RBM44: variants seen among roughly 807,000 people sequenced by gnomAD.
RBM44 encodes the protein RNA binding motif protein 44, also known as RNA-binding protein 44.
RBM44 carries 66 observed loss-of-function variants against 105.1 expected under a neutral mutation model. That is an observed-to-expected ratio of 0.63 (90% CI 0.52 to 0.77). The LOEUF is 0.77. RBM44 is among the 30% of genes least tolerant of loss of function. The probability of loss-of-function intolerance (pLI) is 0.00; values close to 1 mark genes in which losing one functional copy is unlikely to be tolerated. For synonymous variants in RBM44, 365 were observed against 417.6 expected (o/e 0.87, Z 1.54); for missense variants, 1,122 against 1,207.8 (o/e 0.93, Z 1.05).
chr2:237,805,946 C>T (rs886514749), intron 1 of RBM44, among the ~76,000 whole-genome samples: 2 of 152,146 alleles, frequency 1.3e-5, no homozygotes, highest in Admixed American at 1.3e-4. Context: ...CACCACTTTA[C>T]TCCAGCCTGG....
intron 8 of RBM44, among the ~76,000 whole-genome samples, chr2:237,822,367 A>G (rs2061802060): frequency 6.6e-6 from 1 of 152,098 alleles, no homozygotes; most frequent in South Asian, 2.1e-4. Context: ...AGGAAGATTT[A>G]ATCTACGTAA....
rs149292326 is a variant in RBM44, at chr2:237,811,078, A to C, written c.-18-2514A>C. Among the ~76,000 whole-genome samples the C allele has an allele frequency of 4.7e-3, 717 of 152,214 alleles. 8 individuals are homozygous for C. Among genetic ancestry groups the C allele is most frequent in the African/African-American group, 0.016 (676 of 41,524 alleles). ...CTTCAACTTCCAAAGAAAAGGAAAA[A>C]AAATGACAAGACGCAAGCTACCAAA... On this transcript the variant is annotated intron_variant, in intron 1 of 15. Transcript: ENST00000316997.
chr2:237,835,265 G>A lies in RBM44; in HGVS notation c.*22+842G>A, dbSNP rs77583715. On this transcript the variant is annotated intron_variant, in intron 15 of 15. Coordinates refer to ENST00000316997, the MANE Select transcript of RBM44 (RefSeq NM_001080504.3). ...CTCTCTTTGGTCTTCCCTATTCCTT[G>A]AGACACTATATTGAAATTAGGCCAA... Among the ~76,000 whole-genome samples the A allele has an allele frequency of 9.0e-3, 1,377 of 152,216 alleles. 19 individuals are homozygous for A. Among genetic ancestry groups the A allele is most frequent in the African/African-American group, 0.031 (1,278 of 41,526 alleles).
chr2:237,839,937 G>A (rs2061994763), intron 15 of RBM44, among the ~76,000 whole-genome samples: 1 of 152,200 alleles, frequency 6.6e-6, no homozygotes, highest in Non-Finnish European at 1.5e-5. Flanking sequence ...GCTCACGCCA[G>A]TAATCCCAAC....
chr2:237,799,779 C>G (rs1288626417), intron 1 of RBM44, among the ~76,000 whole-genome samples: 1 of 152,098 alleles, frequency 6.6e-6, no homozygotes, highest in African/African-American at 2.4e-5. Flanking sequence ...GTAACTGATT[C>G]GATAAGCATT....
chr2:237,828,751 AT>A (rs2061874326), intron 12 of RBM44, among the ~76,000 whole-genome samples: 3 of 152,174 alleles, frequency 2.0e-5, no homozygotes, highest in Admixed American at 2.0e-4. Context: ...TTGTCTGTAT[AT>A]TTCCCCACTA....
intron 1 of RBM44, among the ~76,000 whole-genome samples, chr2:237,811,557 A>G (rs2061658349): frequency 6.6e-6 from 1 of 152,104 alleles, no homozygotes; most frequent in Non-Finnish European, 1.5e-5. Flanking sequence ...GGCATGAGCC[A>G]CCGTGCCCAG....
intron 12 of RBM44, 137 bp downstream of exon 12, chr2:237,827,640 A>C (rs924680077): frequency 1.6e-6 from 1 of 615,518 alleles, no homozygotes; most frequent in African/African-American, 1.9e-5. Context: ...GGAAGGGGAC[A>C]TAGGGACAAA....
intron 1 of RBM44, among the ~76,000 whole-genome samples, chr2:237,811,998 G>T (rs2061664228): frequency 6.6e-6 from 1 of 152,080 alleles, no homozygotes; most frequent in African/African-American, 2.4e-5. Context: ...GGGACTACAG[G>T]CACATGCCAC....
intron 2 of RBM44, among the ~76,000 whole-genome samples, chr2:237,815,490 G>A (rs571133439): frequency 6.6e-6 from 1 of 152,052 alleles, no homozygotes; most frequent in Non-Finnish European, 1.5e-5. Context: ...AAACATGTAA[G>A]CATTATCTTT....
At chr2:237,835,894 A>G (rs79679808) in intron 15 of RBM44, among the ~76,000 whole-genome samples, 3,353 of 152,174 alleles carry the variant, frequency 0.022, 55 homozygotes, top group East Asian at 0.056. Context: ...CCAAAGTCCA[A>G]TGTATCATTC....
At chr2:237,829,772 C>T (rs1196204411) in intron 13 of RBM44, among the ~76,000 whole-genome samples, 5 of 152,146 alleles carry the variant, frequency 3.3e-5, no homozygotes, top group African/African-American at 4.8e-5. Context: ...TATTACTACT[C>T]TATAAGTAAC....
Position 237,834,394 on chromosome 2 carries a change from C to G in RBM44, c.3149C>G (p.Ser1050Cys). ...TCATCTCTTCTGAAAAACTCTGCTTCCAGTTAGGAATTCAAAAAACAATAA... is the reference window on the plus strand; with the variant it reads ...TCATCTCTTCTGAAAAACTCTGCTTGCAGTTAGGAATTCAAAAAACAATAA... The part of the protein sequence containing the change: ...MTSSLLKNSA[S>C]S Residue 1050 changes from serine (S) to cysteine (C), a missense_variant, in exon 15 of 16, where the codon TCC becomes TGC. Physicochemically the swap from Ser to Cys is moderately radical, Grantham distance 112. This residue lies in a region of RBM44 where 194 missense variants were observed against 225.5 expected (regional missense o/e 0.86). Coordinates refer to ENST00000316997, the MANE Select transcript of RBM44 (RefSeq NM_001080504.3). 6.6e-7 allele frequency: 1 copy of G among 1,512,416 alleles called. No homozygotes were observed. Among genetic ancestry groups the G allele is most frequent in the South Asian group, 1.3e-5 (1 of 74,732 alleles). 93.7% of individuals were successfully genotyped at this position (1,512,416 alleles called of 1,614,324 possible).
chr2:237,807,214 T>C (rs893289868), intron 1 of RBM44, among the ~76,000 whole-genome samples: 3 of 152,132 alleles, frequency 2.0e-5, no homozygotes, highest in African/African-American at 7.2e-5. Flanking sequence ...AGTGGTGCAA[T>C]CTTGGCTCAC....
At chr2:237,812,220 C>T (rs1412226560) in intron 1 of RBM44, among the ~76,000 whole-genome samples, 4 of 152,160 alleles carry the variant, frequency 2.6e-5, no homozygotes, top group Non-Finnish European at 4.4e-5. Context: ...ACCATTTTTA[C>T]TATTTTTAAA....
In RBM44 at chr2:237,829,601, G is replaced by A. The variant is rs1293484052; in HGVS notation, c.2886+99G>A. On this transcript the variant is annotated intron_variant, in intron 13 of 15. Coordinates refer to ENST00000316997, the MANE Select transcript of RBM44 (RefSeq NM_001080504.3). ...AACTTCAATATGCAGTCTTGAAATG[G>A]GAATGACAGCATTAATCTGAATTGT... The A allele has an allele frequency of 7.7e-6, 8 of 1,034,678 alleles. No individual in the cohort carries two copies. The African/African-American group carries it at 1.3e-4, about 17-fold the overall frequency. The allele number at this position is 1,034,678 out of a possible 1,614,324, so 64.1% of individuals were successfully genotyped here.
At chr2:237,808,730 C>A (rs911237475) in intron 1 of RBM44, among the ~76,000 whole-genome samples, 1 of 152,106 alleles carries the variant, frequency 6.6e-6, no homozygotes, top group African/African-American at 2.4e-5. Flanking sequence ...AAGGAAACTA[C>A]TTCTAGAAAT....
chr2:237,838,803 A>G (rs943414101), intron 15 of RBM44, among the ~76,000 whole-genome samples: 1 of 152,228 alleles, frequency 6.6e-6, no homozygotes. Flanking sequence ...ACAGGGTTCC[A>G]AAAGTCCTTT....
intron 1 of RBM44, among the ~76,000 whole-genome samples, chr2:237,800,455 T>G (rs1364913224): frequency 6.6e-6 from 1 of 152,230 alleles, no homozygotes; most frequent in Non-Finnish European, 1.5e-5. Context: ...GTCTTCATAT[T>G]TAAGAATGAA....
Sources: gnomAD v4.1 joint callset for allele counts (sites outside exome capture counted in the v4.1 genomes callset) on GRCh38, gnomAD v4.1.1 for gene constraint, gnomAD v4.1.1 regional missense constraint, MANE v1.5 for transcripts, NCBI Gene and HGNC (gene_info 2026-07-23, HGNC 2026-07-21) for gene names.